Variants in PTPRB observed in about 807,000 individuals in gnomAD.
PTPRB encodes receptor-type tyrosine-protein phosphatase beta.
A neutral mutation model predicts 238.1 loss-of-function variants in PTPRB; 97 were observed. The ratio of observed to expected loss-of-function variants is 0.41; its 90% CI spans 0.35 to 0.48. PTPRB has a LOEUF of 0.48. Among genes scored for constraint, PTPRB ranks in the 20% least tolerant of loss-of-function variants. The pLI, the probability that PTPRB is intolerant of heterozygous loss-of-function variation, is 0.30. For missense variants in PTPRB, 2,292 were observed against 2,681.9 expected (o/e 0.85, Z 3.21); for synonymous variants, 970 against 995.4 (o/e 0.97, Z 0.48).
intron 3 of PTPRB, among the ~76,000 whole-genome samples, chr12:70,617,194 C>G (rs1299892679): frequency 2.0e-5 from 3 of 152,090 alleles, no homozygotes; most frequent in Non-Finnish European, 1.5e-5. Context: ...AATAAAAATC[C>G]TTGAGATTTT....
chr12:70,590,096 T>C lies in PTPRB; in HGVS notation c.1918A>G (p.Ile640Val), dbSNP rs1455589100. The C allele has an allele frequency of 1.2e-6, 2 of 1,613,888 alleles. No individual in the cohort carries two copies. The highest frequency in any genetic ancestry group is 1.3e-5 in the African/African-American group (1 of 74,934). The change falls in exon 8 of 34, where the codon ATC (isoleucine) becomes GTC (valine). Residue 640 changes from isoleucine to valine, a missense_variant. Coordinates refer to ENST00000334414, the MANE Select transcript of PTPRB (RefSeq NM_001109754.4). ...TGTGTTTCTTCCTTTCCCACAGTGA[T>C]GTTGAGCAGCACCACAGAATCATTG... ...LFNDSVVLLN[I>V]TVGKEETQYV...
chr12:70,543,401 T>C (rs548277560), intron 22 of PTPRB, among the ~76,000 whole-genome samples: 1 of 152,362 alleles, frequency 6.6e-6, no homozygotes, highest in Non-Finnish European at 1.5e-5. Flanking sequence ...CTTCCTGTAC[T>C]GGACTACATG....
At chr12:70,527,134 A>T (rs938474335) in intron 32 of PTPRB, among the ~76,000 whole-genome samples, 9 of 152,296 alleles carry the variant, frequency 5.9e-5, no homozygotes, top group Non-Finnish European at 1.2e-4. Context: ...CAATATTTGG[A>T]GTATTAGATA....
At chr12:70,583,117 T>A (rs868337866) in intron 9 of PTPRB, among the ~76,000 whole-genome samples, 3 of 152,152 alleles carry the variant, frequency 2.0e-5, no homozygotes, top group Admixed American at 6.5e-5. Context: ...GGTGGGAATG[T>A]AAAATTTTAC....
chr12:70,634,443 AT>A (rs553690655), intron 2 of PTPRB, among the ~76,000 whole-genome samples: 576 of 151,738 alleles, frequency 3.8e-3, no homozygotes, highest in Admixed American at 7.6e-3. Context: ...GGGAATGTGT[AT>A]TTTTTTTTAA....
At chr12:70,605,631 A>C (rs887045934) in intron 4 of PTPRB, among the ~76,000 whole-genome samples, 1 of 152,210 alleles carries the variant, frequency 6.6e-6, no homozygotes, top group African/African-American at 2.4e-5. Flanking sequence ...GTTGGTATCT[A>C]AAAGGAGAAG....
intron 21 of PTPRB, among the ~76,000 whole-genome samples, chr12:70,549,600 C>G (rs1876577592): frequency 6.6e-6 from 1 of 152,200 alleles, no homozygotes; most frequent in Non-Finnish European, 1.5e-5. Context: ...TCCTGTCCAC[C>G]TATTCGCTTT....
At chr12:70,546,656 G>C (rs1388925831) in intron 21 of PTPRB, among the ~76,000 whole-genome samples, 1 of 152,188 alleles carries the variant, frequency 6.6e-6, no homozygotes, top group Non-Finnish European at 1.5e-5. Flanking sequence ...GGCTCTGTAG[G>C]CTGAATTTAT....
intron 2 of PTPRB, among the ~76,000 whole-genome samples, chr12:70,635,177 T>C (rs1885625606): frequency 1.3e-5 from 2 of 152,184 alleles, no homozygotes; most frequent in Admixed American, 6.5e-5. Flanking sequence ...TAAACAGCAA[T>C]ACAAGAGATT....
chr12:70,611,812 A>C (rs189359565), intron 3 of PTPRB, among the ~76,000 whole-genome samples: 1 of 152,208 alleles, frequency 6.6e-6, no homozygotes, highest in Admixed American at 6.5e-5. Context: ...TGCCTAGGTC[A>C]CCTGAAGAGT....
chr12:70,566,601 G>A lies in PTPRB; in HGVS notation c.3738C>T (p.Ile1246=), dbSNP rs923081424. Residue 1246 remains isoleucine, a synonymous_variant, in exon 15 of 34, where the codon ATC becomes ATT. Transcript: ENST00000334414. ...GGATTCCATTTTCAGTTAGAAGCAG[G>A]ATATCATATCTTTCTGCCACACCAG... ...KAAGVAERYD[I]LLLTENGILL... 5 of 1,613,966 alleles carry A rather than the reference G, an allele frequency of 3.1e-6. No individual in the cohort carries two copies. The highest frequency in any genetic ancestry group is 1.1e-5 in the South Asian group (1 of 91,082).
intron 4 of PTPRB, among the ~76,000 whole-genome samples, chr12:70,602,886 G>A (rs1410064754): frequency 6.6e-6 from 1 of 152,112 alleles, no homozygotes; most frequent in Non-Finnish European, 1.5e-5. Flanking sequence ...TATATGTTTA[G>A]GGGTATATGC....
intron 18 of PTPRB, among the ~76,000 whole-genome samples, chr12:70,558,043 A>C (rs1446864779): frequency 1.3e-5 from 2 of 152,168 alleles, no homozygotes; most frequent in Non-Finnish European, 2.9e-5. Context: ...ACTGATGCAT[A>C]CTGTTGAGGC....
At chr12:70,607,538 T>C (rs1349332471) in intron 4 of PTPRB, among the ~76,000 whole-genome samples, 1 of 148,114 alleles carries the variant, frequency 6.8e-6, no homozygotes, top group Non-Finnish European at 1.5e-5. Context: ...ACCAGATTCA[T>C]TTTCCTTTTC....
At chr12:70,568,695 A>G (rs1403498431) in intron 14 of PTPRB, among the ~76,000 whole-genome samples, 1 of 152,260 alleles carries the variant, frequency 6.6e-6, no homozygotes, top group Admixed American at 6.5e-5. Context: ...AGGGCATGGT[A>G]TAGAAGCCCC....
intron 6 of PTPRB, 46 bp downstream of exon 6, chr12:70,594,421 C>T: frequency 6.3e-7 from 1 of 1,599,680 alleles, no homozygotes; most frequent in African/African-American, 1.3e-5. Context: ...TTAAACATTC[C>T]CTTGATTTCA....
intron 3 of PTPRB, among the ~76,000 whole-genome samples, chr12:70,614,089 A>G (rs533443341): frequency 6.6e-6 from 1 of 152,322 alleles, no homozygotes; most frequent in South Asian, 2.1e-4. Flanking sequence ...CTCAAAGTGT[A>G]GCTCTCAAAT....
chr12:70,565,999 G>A lies in PTPRB; in HGVS notation c.3904+436C>T, dbSNP rs141653378. On this transcript the variant is annotated intron_variant, in intron 15 of 33. Transcript: ENST00000334414. ...AATGTCACTGTTGGGAGGGGGACAC[G>A]AGCCAAGGAATGTGGGCGGCCTCAG... is the stretch of plus-strand genomic sequence containing the variant. 2.2e-3 allele frequency among the ~76,000 whole-genome samples: 341 copies of A among 152,280 alleles called. 1 individual carries two copies. The highest frequency in any genetic ancestry group is 7.8e-3 in the African/African-American group (325 of 41,546).
chr12:70,571,482 A>G, intron 12 of PTPRB, 193 bp from the exon 13 acceptor site: 1 of 623,126 alleles, frequency 1.6e-6, no homozygotes, highest in Admixed American at 3.2e-5. Context: ...CCTGACATAA[A>G]TGTTACATGA....
Sources: gnomAD v4.1 joint callset for allele counts (sites outside exome capture counted in the v4.1 genomes callset) on GRCh38, gnomAD v4.1.1 for gene constraint, MANE v1.5 for transcripts, NCBI Gene and HGNC (gene_info 2026-07-23, HGNC 2026-07-21) for gene names.